ZNRF1: variants seen among roughly 807,000 people sequenced by gnomAD.
ZNRF1 encodes the protein E3 ubiquitin-protein ligase ZNRF1.
In ZNRF1, 3 loss-of-function variants were observed where a neutral mutation model predicts 18.4. The observed-to-expected ratio is 0.16, with a 90% CI of 0.07 to 0.42. The LOEUF is 0.42. ZNRF1 is among the 10% of genes least tolerant of loss of function. The pLI is 0.99. For missense variants in ZNRF1, 310 were observed against 329.8 expected (o/e 0.94, Z 0.47); for synonymous variants, 157 against 144.2 (o/e 1.09, Z -0.64).
Position 74,999,902 on chromosome 16 carries a change from G to A in ZNRF1, c.231G>A (p.Arg77=). ...TTGGCCTCTACACCCCCGCCTCCCG[G>A]GGCACCGGCGACTCCGAGAGGGCGC... The part of the protein sequence containing the change: ...VPFGLYTPAS[R]GTGDSERAPG... Residue 77 remains arginine, a synonymous_variant, in exon 1 of 5, where the codon CGG becomes CGA. Transcript: ENST00000335325. 6.5e-7 allele frequency: 1 copy of A among 1,545,496 alleles called. No homozygotes were observed.
In ZNRF1 at chr16:75,081,996, T is replaced by A. The variant is rs950898334; in HGVS notation, c.425-11576T>A. 2.0e-5 allele frequency among the ~76,000 whole-genome samples: 3 copies of A among 152,306 alleles called. No homozygotes were observed. The East Asian group carries it at 5.8e-4, about 29-fold the overall frequency. ...AATATTCATCTTTCTTAGACAGTAG[T>A]TGGGGACTTGATTCACACTTCACAC... On this transcript the variant is annotated intron_variant, in intron 1 of 4. Coordinates refer to ENST00000335325, the MANE Select transcript of ZNRF1 (RefSeq NM_032268.5).
Position 75,078,384 on chromosome 16 carries a change from C to T in ZNRF1, c.425-15188C>T, listed in dbSNP as rs1002678830. On this transcript the variant is annotated intron_variant, in intron 1 of 4. Coordinates refer to ENST00000335325, the MANE Select transcript of ZNRF1 (RefSeq NM_032268.5). ...CGCAATCTCTGCTTACTGCAACCTC[C>T]GCCCCCCAGGTTCAAGTGATTCTCC... Among the ~76,000 whole-genome samples the T allele has an allele frequency of 1.3e-4, 20 of 150,396 alleles. 1 individual carries two copies. The highest frequency in any genetic ancestry group is 8.7e-4 in the Admixed American group (13 of 14,968).
Position 75,000,059 on chromosome 16 carries a change from C to G in ZNRF1, c.388C>G (p.Leu130Val). The change falls in exon 1 of 5, where the codon CTG (leucine) becomes GTG (valine). Residue 130 changes from leucine to valine, a missense_variant. Leu to Val is a conservative substitution (Grantham distance 32, BLOSUM62 1). Coordinates refer to ENST00000335325, the MANE Select transcript of ZNRF1 (RefSeq NM_032268.5). ...AGCCTCGCTGGCGGATGCTCTACCT[C>G]TGCACATCGCACCCAGGTGGTTCAG... ...SRASLADALP[L>V]HIAPRWFSSH... 1 of 1,602,382 alleles carries G rather than the reference C, an allele frequency of 6.2e-7. No individual in the cohort carries two copies. The highest frequency in any genetic ancestry group is 8.5e-7 in the Non-Finnish European group (1 of 1,175,698).
At chr16:75,090,239 A>T (rs2036120373) in intron 1 of ZNRF1, among the ~76,000 whole-genome samples, 1 of 152,162 alleles carries the variant, frequency 6.6e-6, no homozygotes, top group Non-Finnish European at 1.5e-5. Flanking sequence ...CTCCCCATCG[A>T]GCTGTGACCC....
intron 1 of ZNRF1, among the ~76,000 whole-genome samples, chr16:75,032,919 A>AG (rs2035325107): frequency 6.6e-6 from 1 of 152,146 alleles, no homozygotes; most frequent in Non-Finnish European, 1.5e-5. Context: ...AGGCTGAGGC[A>AG]GGAGGATCAC....
At chr16:75,006,438 T>A (rs1409554249) in intron 1 of ZNRF1, among the ~76,000 whole-genome samples, 1 of 152,084 alleles carries the variant, frequency 6.6e-6, no homozygotes, top group Non-Finnish European at 1.5e-5. Flanking sequence ...TTTGTTTGTT[T>A]GTTTGTTTGT....
At chr16:75,083,067 C>T (rs1191281743) in intron 1 of ZNRF1, among the ~76,000 whole-genome samples, 1 of 152,102 alleles carries the variant, frequency 6.6e-6, no homozygotes, top group African/African-American at 2.4e-5. Flanking sequence ...CTTTTCTTCC[C>T]TTTCTTGAGG....
chr16:75,037,035 C>A (rs565475689), intron 1 of ZNRF1, among the ~76,000 whole-genome samples: 18 of 152,052 alleles, frequency 1.2e-4, no homozygotes, highest in Non-Finnish European at 1.8e-4. Context: ...TTATTTTTTT[C>A]CTCACAACAA....
intron 1 of ZNRF1, among the ~76,000 whole-genome samples, chr16:75,036,099 C>G (rs8059208): frequency 0.99 from 151,438 of 152,274 alleles, 75,309 homozygotes; most frequent in Middle Eastern, 1. Flanking sequence ...GACCTCTCCT[C>G]CTCTGCTCAT....
rs1361007562 is a variant in ZNRF1 at position 75,022,829 on chromosome 16, A to G, written c.424+22734A>G. 2.0e-5 allele frequency among the ~76,000 whole-genome samples: 3 copies of G among 152,206 alleles called. No homozygotes were observed. In the East Asian group the frequency reaches 5.8e-4, roughly 29 times the overall value. Reference sequence around the variant, plus strand: ...AATCGGTAAATGTGTAATTTCAGAAAATGGATCAAGTGAACTTGCCCTTGT... The same window carrying G: ...AATCGGTAAATGTGTAATTTCAGAAGATGGATCAAGTGAACTTGCCCTTGT... On this transcript the variant is annotated intron_variant, in intron 1 of 4. Transcript: ENST00000335325.
At chr16:75,093,384 C>CA (rs574718849) in intron 1 of ZNRF1, among the ~76,000 whole-genome samples, 188 bp from the exon 2 acceptor site, 4,160 of 67,526 alleles carry the variant, frequency 0.062, 110 homozygotes, top group African/African-American at 0.12. Flanking sequence ...GACTTCGTCT[C>CA]AAAAAAAAAA....
intron 1 of ZNRF1, among the ~76,000 whole-genome samples, chr16:75,038,667 G>A (rs2035403733): frequency 6.6e-6 from 1 of 152,180 alleles, no homozygotes; most frequent in Admixed American, 6.5e-5. Flanking sequence ...CTGTAAGCCA[G>A]TTAAATAAGA....
intron 1 of ZNRF1, 87 bp downstream of exon 1, chr16:75,000,182 A>C: frequency 1.3e-6 from 2 of 1,513,072 alleles, no homozygotes; most frequent in Admixed American, 2.0e-5. Flanking sequence ...TTGGGAATGT[A>C]GTGCACGACC....
At chr16:75,068,962 C>G (rs566740419) in intron 1 of ZNRF1, among the ~76,000 whole-genome samples, 2 of 151,998 alleles carry the variant, frequency 1.3e-5, no homozygotes, top group Non-Finnish European at 2.9e-5. Context: ...GGGTCCCACC[C>G]CCTCCTCCCT....
chr16:75,070,464 C>G (rs540365371), intron 1 of ZNRF1, among the ~76,000 whole-genome samples: 76 of 152,302 alleles, frequency 5.0e-4, no homozygotes, highest in African/African-American at 1.8e-3. Context: ...TGGACCTTGC[C>G]CCCGATCCTG....
chr16:75,059,229 C>CTTT (rs35291578), intron 1 of ZNRF1, among the ~76,000 whole-genome samples: 963 of 92,816 alleles, frequency 0.01, 2 homozygotes, highest in Non-Finnish European at 0.013. Context: ...TTCTTTCTTT[C>CTTT]TTTTTTTTTT....
intron 1 of ZNRF1, among the ~76,000 whole-genome samples, chr16:75,034,489 AAC>A (rs998827094): frequency 5.3e-5 from 8 of 152,194 alleles, no homozygotes; most frequent in African/African-American, 1.7e-4. Flanking sequence ...TTATGTACAT[AAC>A]ACATTTTGTT....
At chr16:75,018,504 C>CT (rs1312590012) in intron 1 of ZNRF1, among the ~76,000 whole-genome samples, 3 of 151,778 alleles carry the variant, frequency 2.0e-5, no homozygotes, top group Non-Finnish European at 4.4e-5. Flanking sequence ...TTTTCTCCTG[C>CT]TTTTTTTTAA....
At chr16:75,051,140 G>C (rs1400027307) in intron 1 of ZNRF1, among the ~76,000 whole-genome samples, 1 of 151,886 alleles carries the variant, frequency 6.6e-6, no homozygotes, top group Non-Finnish European at 1.5e-5. Flanking sequence ...GTTCAAGGCT[G>C]CAGTGAGCTA....
Sources: allele counts gnomAD v4.1 joint callset (sites outside exome capture counted in the v4.1 genomes callset), GRCh38; gene constraint gnomAD v4.1.1; transcripts MANE v1.5; gene names NCBI Gene and HGNC (gene_info 2026-07-23, HGNC 2026-07-21).